The following IFNAR1 variants were observed in gnomAD, a reference collection of about 807,000 sequenced individuals.
IFNAR1 encodes interferon alpha/beta receptor 1.
A neutral mutation model predicts 62.1 loss-of-function variants in IFNAR1; 47 were observed. The observed-to-expected ratio is 0.76, with a 90% CI of 0.60 to 0.97. The LOEUF is 0.97. Ranked by LOEUF, IFNAR1 falls within the 50% of genes least tolerant of loss-of-function variation. The probability of loss-of-function intolerance (pLI) is 0.00; values close to 1 mark genes in which losing one functional copy is unlikely to be tolerated. For synonymous variants in IFNAR1, 219 were observed against 226.9 expected (o/e 0.97, Z 0.31); for missense variants, 638 against 654.5 (o/e 0.97, Z 0.27).
rs541858922 is a variant in IFNAR1, at chr21:33,352,884, G to T, written c.1270G>T (p.Ala424Ser). The T allele has an allele frequency of 3.8e-6, 6 of 1,587,996 alleles. No individual in the cohort carries two copies. Among genetic ancestry groups the T allele is most frequent in the South Asian group, 2.3e-5 (2 of 86,718 alleles). ...KLNKSSVFSD[A>S]VCEKTKPGNT... ...GAATAAAAGCAGTGTTTTTAGTGAC[G>T]CTGTATGTGAGAAAACAAAACCAGG... Residue 424 changes from alanine to serine, a missense_variant, in exon 9 of 11, where the codon GCT (alanine) becomes TCT (serine). By Grantham distance (99) the Ala-to-Ser change is moderately conservative. Coordinates refer to ENST00000270139, the MANE Select transcript of IFNAR1 (RefSeq NM_000629.3).
intron 1 of IFNAR1, among the ~76,000 whole-genome samples, chr21:33,326,266 G>A (rs1335522571): frequency 5.4e-5 from 8 of 148,502 alleles, no homozygotes; most frequent in African/African-American, 5.0e-5. Flanking sequence ...GTGCAGAGGC[G>A]TGATCTCAGC....
rs199515722 is a variant in IFNAR1 at position 33,349,511 on chromosome 21, A to G, written c.1111A>G (p.Ile371Val). ...VIQDYPLIYE[I>V]IFWENTSNAE... ...CCAGGATTATCCACTGATTTATGAA[A>G]TTATTTTTTGGGAAAACACTTCAAA... Residue 371 changes from isoleucine to valine, a missense_variant, in exon 8 of 11, where the codon ATT (isoleucine) becomes GTT (valine). By Grantham distance (29) the Ile-to-Val change is conservative (BLOSUM62 3). Coordinates refer to ENST00000270139, the MANE Select transcript of IFNAR1 (RefSeq NM_000629.3). The G allele has an allele frequency of 1.0e-4, 166 of 1,610,892 alleles. No homozygotes were observed. The highest frequency in any genetic ancestry group is 6.6e-4 in the Middle Eastern group (4 of 6,072).
In IFNAR1 at chr21:33,356,392, G is replaced by T. The variant is rs2083448933; in HGVS notation, c.*843G>T. ...GAACACGTTATCACTTGGTTTTCTG[G>T]AAAGTAGCTTACCCTAGAAAACAGC... is the stretch of plus-strand genomic sequence containing the variant. On this transcript the variant is annotated 3_prime_UTR_variant, in exon 11 of 11. Coordinates refer to ENST00000270139, the MANE Select transcript of IFNAR1 (RefSeq NM_000629.3). 6.6e-6 allele frequency: 1 copy of T among 152,144 alleles called. No individual in the cohort carries two copies. The highest frequency in any genetic ancestry group is 1.5e-5 in the Non-Finnish European group (1 of 68,022). The allele number at this position is 152,144 out of a possible 1,614,324, so 9.4% of individuals were successfully genotyped here.
chr21:33,340,272 G>T (rs1490117275), intron 2 of IFNAR1, among the ~76,000 whole-genome samples: 1 of 152,068 alleles, frequency 6.6e-6, no homozygotes, highest in Non-Finnish European at 1.5e-5. Context: ...TACTGATTCT[G>T]AGGTCTTTCT....
chr21:33,333,483 AAG>A (rs534155721), intron 1 of IFNAR1, among the ~76,000 whole-genome samples: 26 of 152,252 alleles, frequency 1.7e-4, no homozygotes, highest in African/African-American at 5.1e-4. Flanking sequence ...GATAAATAAT[AAG>A]AGAGGAAGAA....
chr21:33,343,500 C>G, intron 4 of IFNAR1, 35 bp from the exon 5 acceptor site: 1 of 1,553,028 alleles, frequency 6.4e-7, no homozygotes, highest in Admixed American at 1.8e-5. Flanking sequence ...TGACTTTATA[C>G]TTTTTTAAAG....
intron 1 of IFNAR1, 88 bp from the exon 2 acceptor site, chr21:33,335,435 TC>T: frequency 1.5e-6 from 1 of 680,574 alleles, no homozygotes; most frequent in South Asian, 3.0e-5. Context: ...CTGTATTCAT[TC>T]TTTAATCAGG....
chr21:33,336,621 A>G (rs540974340), intron 2 of IFNAR1, among the ~76,000 whole-genome samples: 13 of 152,260 alleles, frequency 8.5e-5, no homozygotes, highest in African/African-American at 2.9e-4. Context: ...GAGCTAGGGT[A>G]TATCTTGAAG....
At chr21:33,328,871 GTAAT>G (rs1013253920) in intron 1 of IFNAR1, among the ~76,000 whole-genome samples, 14 of 152,004 alleles carry the variant, frequency 9.2e-5, no homozygotes, top group African/African-American at 3.4e-4. Flanking sequence ...TACATGTGGG[GTAAT>G]TAATTGTTAA....
At chr21:33,333,473 GATAA>G (rs1340064529) in intron 1 of IFNAR1, among the ~76,000 whole-genome samples, 2 of 151,934 alleles carry the variant, frequency 1.3e-5, no homozygotes, top group Non-Finnish European at 2.9e-5. Flanking sequence ...AAACCACAAT[GATAA>G]ATAATAAGAG....
chr21:33,356,881 T>A lies in IFNAR1; in HGVS notation c.*1332T>A, dbSNP rs1296582559. On this transcript the variant is annotated 3_prime_UTR_variant, in exon 11 of 11. Transcript: ENST00000270139. The stretch of plus-strand genomic sequence containing the variant: ...TCAGCTCTCAGTGATCAACCCACTC[T>A]TGTTATGGGTGGTCTCTGTCACTTT... 2.0e-5 allele frequency: 3 copies of A among 152,330 alleles called. No individual in the cohort carries two copies. The highest frequency in any genetic ancestry group is 7.2e-5 in the African/African-American group (3 of 41,568). 9.4% of individuals were successfully genotyped at this position (152,330 alleles called of 1,614,324 possible).
chr21:33,325,079 G>A lies in IFNAR1; in HGVS notation c.24G>A (p.Ala8=). 2 of 1,609,698 alleles carry A rather than the reference G, an allele frequency of 1.2e-6. No individual in the cohort carries two copies. Residue 8 remains alanine (A), a synonymous_variant, in exon 1 of 11, where the codon GCG becomes GCA. Transcript: ENST00000270139. The part of the protein sequence containing the change: MMVVLLG[A]TTLVLVAVAP... ...AGATGATGGTCGTCCTCCTGGGCGC[G>A]ACGACCCTAGTGCTCGTCGCCGTGG...
At chr21:33,354,561 T>A (rs192636192) in intron 10 of IFNAR1, among the ~76,000 whole-genome samples, 311 of 152,328 alleles carry the variant, frequency 2.0e-3, no homozygotes, top group Admixed American at 3.8e-3. Context: ...AGACTTTTTT[T>A]ATGACACACA....
In IFNAR1 at chr21:33,355,373, GA is replaced by G; in HGVS notation, c.1503del (p.Lys501AsnfsTer4). ...GCTTTCAACTTCTGAGGAACAAATCGAAAAATGTTTCATAATTGAAAATATA... is the reference window on the plus strand; with the variant it reads ...GCTTTCAACTTCTGAGGAACAAATCGAAAATGTTTCATAATTGAAAATATA... ...LLLSTSEEQI[E>X]KCFIIENIST... On this transcript the variant is annotated frameshift_variant, in exon 11 of 11. Transcript: ENST00000270139. LOFTEE classifies it high-confidence loss of function. The G allele has an allele frequency of 6.2e-7, 1 of 1,602,964 alleles. No homozygotes were observed. Among genetic ancestry groups the G allele is most frequent in the Middle Eastern group, 1.7e-4 (1 of 6,012 alleles).
intron 9 of IFNAR1, among the ~76,000 whole-genome samples, chr21:33,353,295 C>T (rs1395705672): frequency 6.6e-6 from 1 of 152,106 alleles, no homozygotes; most frequent in Non-Finnish European, 1.5e-5. Context: ...TTCTATTTTA[C>T]AGTTTCTAGT....
At position 33,343,381 on chromosome 21, in the gene IFNAR1, A is replaced by G; in HGVS notation, c.490A>G (p.Thr164Ala). 1 of 1,613,152 alleles carries G rather than the reference A, an allele frequency of 6.2e-7. No homozygotes were observed. Among genetic ancestry groups the G allele is most frequent in the Non-Finnish European group, 8.5e-7 (1 of 1,179,174 alleles). The change falls in exon 4 of 11, where the codon ACA becomes GCA. Residue 164 changes from threonine to alanine, a missense_variant. Coordinates refer to ENST00000270139, the MANE Select transcript of IFNAR1 (RefSeq NM_000629.3). The stretch of plus-strand genomic sequence containing the variant: ...GTGGGCTTTGGATGGTTTAAGCTTT[A>G]CATATAGCTTAGTTATCTGGAAAAA... ...VMWALDGLSF[T>A]YSLVIWKNSS...
intron 6 of IFNAR1, among the ~76,000 whole-genome samples, chr21:33,346,508 G>T (rs2083348553): frequency 6.6e-6 from 1 of 152,198 alleles, no homozygotes; most frequent in Admixed American, 6.5e-5. Context: ...GTAGTCTTTT[G>T]TGTATACCTC....
intron 10 of IFNAR1, among the ~76,000 whole-genome samples, chr21:33,354,114 G>A (rs548918717): frequency 7.0e-4 from 106 of 152,162 alleles, no homozygotes; most frequent in African/African-American, 2.4e-3. Context: ...AGGCTGAGGC[G>A]GGTGGGTCAC....
Position 33,325,022 on chromosome 21 carries a change from A to C in IFNAR1, c.-34A>C. 6.4e-7 allele frequency: 1 copy of C among 1,565,658 alleles called. No homozygotes were observed. The highest frequency in any genetic ancestry group is 8.7e-7 in the Non-Finnish European group (1 of 1,154,138). On this transcript the variant is annotated 5_prime_UTR_variant, in exon 1 of 11. Transcript: ENST00000270139. ...GCTGAGAGGAGCTGCGCGTGCGCGA[A>C]CATGTAACTGGTGGGATCTGCGGCG...
Sources: allele counts gnomAD v4.1 joint callset (sites outside exome capture counted in the v4.1 genomes callset), GRCh38; gene constraint gnomAD v4.1.1; transcripts MANE v1.5; gene names NCBI Gene and HGNC (gene_info 2026-07-23, HGNC 2026-07-21).